STRBP: variants seen among roughly 807,000 people sequenced by gnomAD.
STRBP encodes spermatid perinuclear RNA-binding protein.
Under a neutral mutation model 80.1 loss-of-function variants are expected in STRBP, and 13 were observed. The observed-to-expected ratio is 0.16, with a 90% CI of 0.11 to 0.26. The LOEUF is 0.26. Among genes scored for constraint, STRBP ranks in the 10% least tolerant of loss-of-function variants. The pLI, the probability that STRBP is intolerant of heterozygous loss-of-function variation, is 1.00. For missense variants in STRBP, 485 were observed against 815.2 expected (o/e 0.59, Z 4.93); for synonymous variants, 284 against 291.2 (o/e 0.98, Z 0.25).
intron 1 of STRBP, among the ~76,000 whole-genome samples, chr9:123,266,362 G>A (rs1276781016): frequency 2.0e-5 from 3 of 152,020 alleles, no homozygotes; most frequent in Non-Finnish European, 4.4e-5. Flanking sequence ...GACCCTAGGA[G>A]TATGAACTTT....
At chr9:123,147,957 A>G (rs1471952521) in intron 11 of STRBP, 87 bp from the exon 12 acceptor site, 5 of 1,063,230 alleles carry the variant, frequency 4.7e-6, no homozygotes, top group Non-Finnish European at 6.7e-6. Flanking sequence ...CAGGTAGGAA[A>G]ATCTTAGGAA....
intron 2 of STRBP, among the ~76,000 whole-genome samples, chr9:123,217,503 A>G (rs1023858216): frequency 2.0e-5 from 3 of 152,334 alleles, no homozygotes; most frequent in Middle Eastern, 3.4e-3. Context: ...ATCATTGCCA[A>G]TTAGACCACA....
intron 2 of STRBP, among the ~76,000 whole-genome samples, chr9:123,229,158 T>G (rs1054195363): frequency 2.6e-5 from 4 of 152,278 alleles, no homozygotes; most frequent in Middle Eastern, 3.4e-3. Flanking sequence ...GAAAGTAGAT[T>G]AGTAGCTGCC....
intron 2 of STRBP, among the ~76,000 whole-genome samples, chr9:123,184,716 T>C (rs115090298): frequency 2.0e-3 from 299 of 152,354 alleles, no homozygotes; most frequent in African/African-American, 7.0e-3. Context: ...ATACCAATGA[T>C]TATTCCATGA....
At chr9:123,197,503 C>T (rs1263372387) in intron 2 of STRBP, among the ~76,000 whole-genome samples, 3 of 152,100 alleles carry the variant, frequency 2.0e-5, no homozygotes, top group East Asian at 1.9e-4. Context: ...GCTCCCCTCC[C>T]GCCGTGCCTC....
chr9:123,218,977 G>C (rs2039987671), intron 2 of STRBP, among the ~76,000 whole-genome samples: 1 of 152,022 alleles, frequency 6.6e-6, no homozygotes, highest in South Asian at 2.1e-4. Flanking sequence ...GGAAATAGAG[G>C]CCTGAAAAAT....
chr9:123,203,658 T>C (rs1446414920), intron 2 of STRBP, among the ~76,000 whole-genome samples: 1 of 152,038 alleles, frequency 6.6e-6, no homozygotes, highest in African/African-American at 2.4e-5. Flanking sequence ...TATGAGCCTA[T>C]CTCTGACCAC....
chr9:123,133,674 G>A (rs529569731), intron 16 of STRBP, among the ~76,000 whole-genome samples: 122 of 152,084 alleles, frequency 8.0e-4, no homozygotes, highest in African/African-American at 2.8e-3. Flanking sequence ...CAAGTAACTG[G>A]AATTACAGGC....
chr9:123,179,146 C>T lies in STRBP; in HGVS notation c.85G>A (p.Glu29Lys), dbSNP rs1463484832. ...GTAGATACCATATTCTGAACAGCTT[C>T]AAGTTCCTCCGGAGATGGATAGATT... ...STIYPSPEEL[E>K]AVQNMVSTVE... Residue 29 changes from glutamate (E) to lysine (K), a missense_variant, in exon 4 of 19, where the codon GAA becomes AAA. Coordinates refer to ENST00000348403, the MANE Select transcript of STRBP (RefSeq NM_018387.5). 5.0e-6 allele frequency: 8 copies of T among 1,614,024 alleles called. No individual in the cohort carries two copies. Among genetic ancestry groups the T allele is most frequent in the Non-Finnish European group, 6.8e-6 (8 of 1,179,884 alleles).
intron 11 of STRBP, among the ~76,000 whole-genome samples, chr9:123,151,138 G>C (rs532903512): frequency 6.6e-6 from 1 of 152,160 alleles, no homozygotes; most frequent in African/African-American, 2.4e-5. Flanking sequence ...GGACCCAGAT[G>C]ATGGACCTTT....
At chr9:123,198,289 T>A (rs1344627512) in intron 2 of STRBP, among the ~76,000 whole-genome samples, 1 of 152,000 alleles carries the variant, frequency 6.6e-6, no homozygotes. Flanking sequence ...GCACCCGCCA[T>A]CATGCCAGGC....
chr9:123,207,245 G>A (rs1273522720), intron 2 of STRBP, among the ~76,000 whole-genome samples: 1 of 152,154 alleles, frequency 6.6e-6, no homozygotes, highest in Non-Finnish European at 1.5e-5. Flanking sequence ...AACATTTACT[G>A]TAGCACTGAT....
At chr9:123,185,250 T>C (rs944890375) in intron 2 of STRBP, among the ~76,000 whole-genome samples, 12 of 152,190 alleles carry the variant, frequency 7.9e-5, no homozygotes, top group Non-Finnish European at 1.0e-4. Flanking sequence ...GGAAACACCC[T>C]ATTGTCAGTA....
intron 6 of STRBP, among the ~76,000 whole-genome samples, chr9:123,162,681 T>G (rs1254463249): frequency 6.6e-6 from 1 of 152,248 alleles, no homozygotes; most frequent in Non-Finnish European, 1.5e-5. Flanking sequence ...CACCAGTTAT[T>G]TGCATTGTTT....
At chr9:123,253,697 G>C (rs964416085) in intron 1 of STRBP, among the ~76,000 whole-genome samples, 1 of 152,176 alleles carries the variant, frequency 6.6e-6, no homozygotes, top group Non-Finnish European at 1.5e-5. Flanking sequence ...TATTCATTAT[G>C]TGCCTGACAC....
At chr9:123,183,478 A>G (rs535589745) in intron 3 of STRBP, among the ~76,000 whole-genome samples, 1 of 151,998 alleles carries the variant, frequency 6.6e-6, no homozygotes, top group South Asian at 2.1e-4. Flanking sequence ...TACTTAGGAG[A>G]AAAAAAATTC....
downstream of STRBP, among the ~76,000 whole-genome samples, chr9:123,117,277 C>T (rs188510117): frequency 3.9e-5 from 6 of 152,206 alleles, no homozygotes; most frequent in African/African-American, 1.2e-4. Context: ...AGAAACATTG[C>T]CAAGTGCCCA....
chr9:123,216,035 C>A (rs865848547), intron 2 of STRBP, among the ~76,000 whole-genome samples: 1 of 152,156 alleles, frequency 6.6e-6, no homozygotes, highest in East Asian at 1.9e-4. Context: ...AGATGTTTAA[C>A]CCTTGGAATG....
chr9:123,265,950 T>C (rs2041257362), intron 1 of STRBP, among the ~76,000 whole-genome samples: 1 of 152,226 alleles, frequency 6.6e-6, no homozygotes, highest in Non-Finnish European at 1.5e-5. Context: ...ATTACTTCTG[T>C]CTGCCTATAG....
Sources: allele counts gnomAD v4.1 joint callset (sites outside exome capture counted in the v4.1 genomes callset), GRCh38; gene constraint gnomAD v4.1.1; transcripts MANE v1.5; gene names NCBI Gene and HGNC (gene_info 2026-07-23, HGNC 2026-07-21).